FBXO28: variants seen among roughly 807,000 people sequenced by gnomAD.
FBXO28 encodes the protein F-box only protein 28.
A neutral mutation model predicts 38.1 loss-of-function variants in FBXO28; 8 were observed. The observed-to-expected ratio is 0.21, with a 90% confidence interval of 0.12 to 0.38. The LOEUF (loss-of-function observed/expected upper bound fraction) is 0.38. Among genes scored for constraint, FBXO28 ranks in the 10% least tolerant of loss-of-function variants. FBXO28 has a pLI of 1.00. For missense variants in FBXO28, 345 were observed against 460.6 expected (o/e 0.75, Z 2.30); for synonymous variants, 168 against 173.8 (o/e 0.97, Z 0.26).
intron 3 of FBXO28, among the ~76,000 whole-genome samples, chr1:224,148,257 C>T (rs777445347): frequency 9.9e-5 from 15 of 152,134 alleles, no homozygotes; most frequent in Non-Finnish European, 2.1e-4. Context: ...TGGAACCGAT[C>T]TAATAATTTA....
chr1:224,157,862 C>A lies in FBXO28; in HGVS notation c.*116C>A. The stretch of plus-strand genomic sequence containing the variant: ...CTTAAGCTTCTAGGCTTTCAGAACA[C>A]AACTTAAACTTGAACTCTTATGGTT... On this transcript the variant is annotated 3_prime_UTR_variant, in exon 5 of 5. Coordinates refer to ENST00000366862, the MANE Select transcript of FBXO28 (RefSeq NM_015176.4). 1 of 1,448,362 alleles carries A rather than the reference C, an allele frequency of 6.9e-7. No individual in the cohort carries two copies. Among genetic ancestry groups the A allele is most frequent in the South Asian group, 1.5e-5 (1 of 66,344 alleles). 89.7% of individuals were successfully genotyped at this position (1,448,362 alleles called of 1,614,324 possible). A position where few individuals can be genotyped will look rare whatever the true frequency, so the allele number is the denominator to read the frequency against.
At chr1:224,146,054 G>A (rs1397153137) in intron 3 of FBXO28, among the ~76,000 whole-genome samples, 2 of 142,772 alleles carry the variant, frequency 1.4e-5, no homozygotes, top group Admixed American at 7.1e-5. Flanking sequence ...CAACAATAGC[G>A]AAACTCCTTC....
intron 1 of FBXO28, among the ~76,000 whole-genome samples, chr1:224,128,983 C>CAAAA (rs11309343): frequency 6.1e-5 from 6 of 98,124 alleles, no homozygotes; most frequent in South Asian, 3.8e-4. Context: ...AAGACCCTGT[C>CAAAA]AAAAAAAAAA....
At chr1:224,148,585 C>T (rs756860229) in intron 3 of FBXO28, among the ~76,000 whole-genome samples, 2 of 151,882 alleles carry the variant, frequency 1.3e-5, no homozygotes, top group Non-Finnish European at 2.9e-5. Context: ...TGTCGTGAAC[C>T]TGGGAGGCAG....
intron 1 of FBXO28, among the ~76,000 whole-genome samples, chr1:224,121,976 A>G (rs1286898502): frequency 2.6e-5 from 4 of 152,078 alleles, no homozygotes; most frequent in Non-Finnish European, 5.9e-5. Context: ...GGGTTTCACC[A>G]TCTTGGCCAG....
chr1:224,122,636 A>G (rs1656806263), intron 1 of FBXO28, among the ~76,000 whole-genome samples: 1 of 151,992 alleles, frequency 6.6e-6, no homozygotes, highest in African/African-American at 2.4e-5. Flanking sequence ...AACACACACA[A>G]TGAATGCCAT....
At chr1:224,120,570 T>C (rs188422005) in intron 1 of FBXO28, among the ~76,000 whole-genome samples, 217 of 152,258 alleles carry the variant, frequency 1.4e-3, no homozygotes, top group African/African-American at 5.1e-3. Context: ...AGAAAATATA[T>C]GTCATTGTAG....
chr1:224,126,644 A>G (rs2048995), intron 1 of FBXO28, among the ~76,000 whole-genome samples: 152,247 of 152,268 alleles, frequency 1, 76,113 homozygotes, highest in Non-Finnish European at 1. Flanking sequence ...GTGAAGCCCC[A>G]TCTCTATTAC....
rs1657816204 is a variant in FBXO28 at position 224,158,236 on chromosome 1, AT to A, written c.*491del. 2 of 986,442 alleles carry A rather than the reference AT, an allele frequency of 2.0e-6. No individual in the cohort carries two copies. Among genetic ancestry groups the A allele is most frequent in the Non-Finnish European group, 2.4e-6 (2 of 830,456 alleles). 61.1% of individuals were successfully genotyped at this position (986,442 alleles called of 1,614,324 possible). On this transcript the variant is annotated 3_prime_UTR_variant, in exon 5 of 5. Transcript: ENST00000366862. ...GTCTGGAATGTCTGAAAAGTAGTTA[AT>A]GCTTTTTGGTATTGAAGTAATGGGT...
Position 224,158,406 on chromosome 1 carries a change from A to G in FBXO28, c.*660A>G, listed in dbSNP as rs1657820537. The stretch of plus-strand genomic sequence containing the variant: ...TTTGGGGGCCATGTCCTACATTTGC[A>G]TGGATGGATGCATGCATTGCCTAGT... On this transcript the variant is annotated 3_prime_UTR_variant, in exon 5 of 5. Coordinates refer to ENST00000366862, the MANE Select transcript of FBXO28 (RefSeq NM_015176.4). 1 of 179,822 alleles carries G rather than the reference A, an allele frequency of 5.6e-6. No homozygotes were observed. The highest frequency in any genetic ancestry group is 1.1e-5 in the Non-Finnish European group (1 of 92,896). The allele number at this position is 179,822 out of a possible 1,614,324, so 11.1% of individuals were successfully genotyped here.
At chr1:224,120,907 T>C (rs1241112684) in intron 1 of FBXO28, among the ~76,000 whole-genome samples, 1 of 151,622 alleles carries the variant, frequency 6.6e-6, no homozygotes, top group East Asian at 1.9e-4. Context: ...ATGTATGTCA[T>C]TGTAAGATAA....
intron 1 of FBXO28, among the ~76,000 whole-genome samples, chr1:224,120,975 C>A (rs1028315639): frequency 1.3e-5 from 2 of 150,414 alleles, no homozygotes; most frequent in Non-Finnish European, 3.0e-5. Context: ...TATTTACTTC[C>A]AAGAGAGGAG....
chr1:224,115,878 AGTTTTATTT>A (rs1238713443), intron 1 of FBXO28, among the ~76,000 whole-genome samples: 1 of 152,098 alleles, frequency 6.6e-6, no homozygotes, highest in African/African-American at 2.4e-5. Flanking sequence ...AGAAAAACTG[AGTTTTATTT>A]GTTTGTTGAT....
At chr1:224,148,457 T>C (rs1657563435) in intron 3 of FBXO28, among the ~76,000 whole-genome samples, 1 of 152,076 alleles carries the variant, frequency 6.6e-6, no homozygotes, top group African/African-American at 2.4e-5. Context: ...AAGACCATCC[T>C]GCCTAACACG....
At chr1:224,136,870 G>C (rs1262226470) in intron 3 of FBXO28, among the ~76,000 whole-genome samples, 1 of 151,076 alleles carries the variant, frequency 6.6e-6, no homozygotes, top group Non-Finnish European at 1.5e-5. Flanking sequence ...TCATGCCTCA[G>C]CCTCCCAAGT....
rs79658886 is a variant in FBXO28 at position 224,123,198 on chromosome 1, A to G, written c.268-7274A>G. ...GTAGAGTGCCAAACTAATACATTTT[A>G]TTTATTTATTTTGGTTCTCTGTTTA... On this transcript the variant is annotated intron_variant, in intron 1 of 4. Coordinates refer to ENST00000366862, the MANE Select transcript of FBXO28 (RefSeq NM_015176.4). 1.1e-3 allele frequency among the ~76,000 whole-genome samples: 173 copies of G among 152,188 alleles called. 2 individuals carry two copies. The East Asian group carries it at 0.025, about 22-fold the overall frequency.
rs372835747 is a variant in FBXO28 at position 224,141,191 on chromosome 1, G to A, written c.516+6979G>A. Among the ~76,000 whole-genome samples the A allele has an allele frequency of 5.4e-5, 8 of 148,748 alleles. No homozygotes were observed. In the East Asian group the frequency reaches 8.2e-4, roughly 15 times the overall value. On this transcript the variant is annotated intron_variant, in intron 3 of 4. Coordinates refer to ENST00000366862, the MANE Select transcript of FBXO28 (RefSeq NM_015176.4). ...ATAGTGGGGAAAAAAAGATACAATC[G>A]GCCGGGCATGGTGGCTCACGCCTGT...
chr1:224,146,246 T>A (rs1456714881), intron 3 of FBXO28, among the ~76,000 whole-genome samples: 2 of 150,736 alleles, frequency 1.3e-5, no homozygotes, highest in African/African-American at 2.4e-5. Flanking sequence ...AAAAAAAAAA[T>A]TAAAAATAAT....
chr1:224,143,566 T>C (rs1657417976), intron 3 of FBXO28, among the ~76,000 whole-genome samples: 1 of 152,058 alleles, frequency 6.6e-6, no homozygotes, highest in Non-Finnish European at 1.5e-5. Flanking sequence ...GGCTCACGCC[T>C]GTAATCCCAA....
Sources: allele counts gnomAD v4.1 joint callset (sites outside exome capture counted in the v4.1 genomes callset), GRCh38; gene constraint gnomAD v4.1.1; transcripts MANE v1.5; gene names NCBI Gene and HGNC (gene_info 2026-07-23, HGNC 2026-07-21).